Variants in TEAD4 observed in about 807,000 individuals in gnomAD.
The protein encoded by TEAD4 is TEA domain transcription factor 4.
Under a neutral mutation model 52.4 loss-of-function variants are expected in TEAD4, and 36 were observed. The ratio of observed to expected loss-of-function variants is 0.69; its 90% CI spans 0.53 to 0.91. The LOEUF is 0.91. Ranked by LOEUF, TEAD4 falls within the 40% of genes least tolerant of loss-of-function variation. The pLI is 0.00. For synonymous variants in TEAD4, 220 were observed against 231.0 expected (o/e 0.95, Z 0.43); for missense variants, 508 against 583.9 (o/e 0.87, Z 1.34).
intron 2 of TEAD4, among the ~76,000 whole-genome samples, chr12:2,985,329 G>A (rs556122747): frequency 6.6e-6 from 1 of 151,680 alleles, no homozygotes; most frequent in South Asian, 2.1e-4. Flanking sequence ...AGCTTGCAGT[G>A]AGCCGAGATT....
At chr12:3,000,191 C>T (rs145865771) in intron 3 of TEAD4, among the ~76,000 whole-genome samples, 250 of 152,204 alleles carry the variant, frequency 1.6e-3, no homozygotes, top group African/African-American at 5.3e-3. Flanking sequence ...TGTCCACAGC[C>T]GATATTAACC....
At chr12:2,976,727 G>C (rs962080810) in intron 2 of TEAD4, among the ~76,000 whole-genome samples, 6 of 105,906 alleles carry the variant, frequency 5.7e-5, no homozygotes, top group African/African-American at 3.1e-4. Flanking sequence ...GCTGGGTCCA[G>C]GCTGAGAGCT....
intron 2 of TEAD4, among the ~76,000 whole-genome samples, chr12:2,971,544 C>T (rs541218793): frequency 5.3e-5 from 8 of 151,872 alleles, no homozygotes; most frequent in East Asian, 1.9e-4. Context: ...GGTGCGATCT[C>T]GGCTCACTGC....
At chr12:3,028,194 C>T (rs536393219) in intron 10 of TEAD4, among the ~76,000 whole-genome samples, 1 of 152,298 alleles carries the variant, frequency 6.6e-6, no homozygotes, top group East Asian at 1.9e-4. Flanking sequence ...GGAGAGTCCA[C>T]ATTGTTTATC....
chr12:3,018,209 G>A (rs2098265985), intron 6 of TEAD4, among the ~76,000 whole-genome samples: 1 of 152,248 alleles, frequency 6.6e-6, no homozygotes, highest in Admixed American at 6.5e-5. Context: ...GGTTCTGTGA[G>A]TAAGTTTGGG....
intron 3 of TEAD4, among the ~76,000 whole-genome samples, chr12:3,001,497 C>T (rs1022062035): frequency 1.6e-4 from 24 of 152,180 alleles, no homozygotes; most frequent in Admixed American, 3.9e-4. Context: ...TCAAGCCAGC[C>T]GCGGTGGCTC....
At chr12:3,008,170 G>C (rs11062455) in intron 3 of TEAD4, among the ~76,000 whole-genome samples, 20,725 of 152,184 alleles carry the variant, frequency 0.14, 2,916 homozygotes, top group African/African-American at 0.36. Context: ...GTGGAGGAAA[G>C]TAAAGGCAGT....
chr12:3,022,998 A>C (rs746143672), intron 10 of TEAD4, among the ~76,000 whole-genome samples: 2 of 152,150 alleles, frequency 1.3e-5, no homozygotes, highest in Non-Finnish European at 1.5e-5. Flanking sequence ...TTCACACCGA[A>C]GTTTATATAG....
chr12:3,019,013 C>T, intron 7 of TEAD4, 102 bp from the exon 8 acceptor site: 1 of 1,445,742 alleles, frequency 6.9e-7, no homozygotes, highest in Non-Finnish European at 9.6e-7. Flanking sequence ...CCACTGAAAT[C>T]CAGACCACCA....
intron 10 of TEAD4, among the ~76,000 whole-genome samples, chr12:3,023,114 T>C (rs2153957600): frequency 6.6e-6 from 1 of 152,326 alleles, no homozygotes; most frequent in East Asian, 1.9e-4. Context: ...GTGTTGGAAC[T>C]GAGACCTAGG....
rs979477358 is a variant in TEAD4, at chr12:3,002,683, G to A, written c.226+7691G>A. On this transcript the variant is annotated intron_variant, in intron 3 of 12. Coordinates refer to ENST00000359864, the MANE Select transcript of TEAD4 (RefSeq NM_003213.4). ...GTCGTAGGGATGAGAGCACACAGTA[G>A]GTGCCAAATGCACAGCACGGGGTGA... 5.3e-5 allele frequency among the ~76,000 whole-genome samples: 8 copies of A among 152,342 alleles called. No individual in the cohort carries two copies. The East Asian group carries it at 9.6e-4, about 18-fold the overall frequency.
At chr12:2,987,175 A>G (rs1214275209) in intron 2 of TEAD4, among the ~76,000 whole-genome samples, 3 of 152,192 alleles carry the variant, frequency 2.0e-5, no homozygotes, top group African/African-American at 7.2e-5. Flanking sequence ...AAAGATACAC[A>G]GATTTGGGGA....
At chr12:3,025,916 C>T (rs2098271798) in intron 10 of TEAD4, among the ~76,000 whole-genome samples, 2 of 141,082 alleles carry the variant, frequency 1.4e-5, no homozygotes, top group East Asian at 4.5e-4. Flanking sequence ...CATTCTAATT[C>T]CCTATCCTTT....
At chr12:2,980,010 C>G (rs917723031) in intron 2 of TEAD4, among the ~76,000 whole-genome samples, 5 of 152,140 alleles carry the variant, frequency 3.3e-5, no homozygotes, top group Admixed American at 6.6e-5. Context: ...GAAGCCCTCT[C>G]CTGTGCTCAC....
At chr12:2,970,843 C>T (rs1341024768) in intron 2 of TEAD4, among the ~76,000 whole-genome samples, 3 of 152,214 alleles carry the variant, frequency 2.0e-5, no homozygotes, top group Non-Finnish European at 2.9e-5. Context: ...GGAAATGCTC[C>T]GTCGTAAATT....
At chr12:3,018,229 A>G (rs1305682661) in intron 6 of TEAD4, among the ~76,000 whole-genome samples, 1 of 152,190 alleles carries the variant, frequency 6.6e-6, no homozygotes, top group Non-Finnish European at 1.5e-5. Context: ...GACCCTTGGC[A>G]TTAAGTGGGT....
At chr12:3,007,058 C>G (rs1040051795) in intron 3 of TEAD4, among the ~76,000 whole-genome samples, 7 of 152,118 alleles carry the variant, frequency 4.6e-5, no homozygotes, top group African/African-American at 1.7e-4. Context: ...GCTGAGCTTG[C>G]CTTAGACCCC....
chr12:3,019,251 G>A lies in TEAD4; in HGVS notation c.583+81G>A, dbSNP rs1031188700. The A allele has an allele frequency of 4.7e-6, 7 of 1,505,308 alleles. No homozygotes were observed. In the Admixed American group the frequency reaches 6.7e-5, roughly 15 times the overall value. 93.2% of individuals were successfully genotyped at this position (1,505,308 alleles called of 1,614,324 possible). ...GGGTCCAGGCCCCCGGCAGCCGAAC[G>A]CCTGCGTGTCCCTGTTAGATGCTGC... is the stretch of plus-strand genomic sequence containing the variant. On this transcript the variant is annotated intron_variant, in intron 8 of 12. Transcript: ENST00000359864.
At chr12:3,021,820 C>G in intron 9 of TEAD4, 24 bp from the exon 10 acceptor site, 3 of 1,610,964 alleles carry the variant, frequency 1.9e-6, no homozygotes, top group Non-Finnish European at 2.5e-6. Flanking sequence ...TGCTCCGTCT[C>G]CCTCAGACCC....
Sources: allele counts gnomAD v4.1 joint callset (sites outside exome capture counted in the v4.1 genomes callset), GRCh38; gene constraint gnomAD v4.1.1; transcripts MANE v1.5; gene names NCBI Gene and HGNC (gene_info 2026-07-23, HGNC 2026-07-21).